The following PUDP variants were observed in gnomAD, a reference collection of about 807,000 sequenced individuals.
PUDP encodes the protein pseudouridine 5'-phosphatase.
A neutral mutation model predicts 9.4 loss-of-function variants in PUDP; 8 were observed. The observed-to-expected ratio is 0.85, with a 90% confidence interval of 0.50 to 1.53. The LOEUF is 1.53. Ranked by LOEUF, PUDP falls within the 40% of genes most tolerant of loss-of-function variation. The pLI is 0.00. For missense variants in PUDP, 188 were observed against 189.7 expected (o/e 0.99, Z 0.05); for synonymous variants, 99 against 80.7 (o/e 1.23, Z -1.22).
chrX:6,715,041 C>T (rs1416066122), intron 1 of PUDP, among the ~76,000 whole-genome samples: 1 of 107,828 alleles, frequency 9.3e-6, no homozygotes, highest in Non-Finnish European at 1.9e-5. Flanking sequence ...GACATACATC[C>T]TTATAAATCA....
At position 6,775,463 on chromosome X, in the gene PUDP, A is replaced by G. The variant is rs754570714; in HGVS notation, c.*248-68997T>C. 5.5e-5 allele frequency among the ~76,000 whole-genome samples: 5 copies of G among 90,596 alleles called. No individual in the cohort carries two copies. In the East Asian group the frequency reaches 1.4e-3, roughly 26 times the overall value. 78.7% of individuals were successfully genotyped at this position (90,596 alleles called of 115,157 possible). On this transcript the variant is annotated intron_variant and NMD_transcript_variant, in intron 3 of 3. Transcript: ENST00000655425. ...TCTTTTGGGGCATGGATGGATAGAT[A>G]GATATAGATAGATAGATAGATACAC...
intron 3 of PUDP, among the ~76,000 whole-genome samples, chrX:6,833,474 C>T (rs1245967888): frequency 1.8e-5 from 2 of 109,951 alleles, no homozygotes. Context: ...TGAATGAAGG[C>T]ACAAATGAAT....
intron 1 of PUDP, among the ~76,000 whole-genome samples, chrX:7,028,524 A>T (rs1929749639): frequency 9.0e-6 from 1 of 111,127 alleles, no homozygotes; most frequent in Admixed American, 9.7e-5. Context: ...CTGTGTAAAG[A>T]TGTTCTGGGG....
At chrX:6,873,641 C>T (rs1442394791) in intron 3 of PUDP, among the ~76,000 whole-genome samples, 2 of 111,503 alleles carry the variant, frequency 1.8e-5, no homozygotes, top group African/African-American at 6.5e-5. Context: ...CTACAAAAAC[C>T]TCAACTATAT....
intron 3 of PUDP, among the ~76,000 whole-genome samples, chrX:6,875,913 T>A (rs752524739): frequency 2.7e-5 from 3 of 112,421 alleles, no homozygotes; most frequent in Admixed American, 9.4e-5. Flanking sequence ...TGTTTGTTAT[T>A]TGAAAAGCAA....
intron 3 of PUDP, among the ~76,000 whole-genome samples, chrX:6,965,440 A>G (rs968482930): frequency 1.5e-4 from 17 of 112,717 alleles, no homozygotes; most frequent in African/African-American, 5.5e-4. Flanking sequence ...GCTTTAGAAT[A>G]TCACAGAGAC....
At chrX:6,848,453 T>A (rs931731577) in intron 3 of PUDP, among the ~76,000 whole-genome samples, 1 of 112,519 alleles carries the variant, frequency 8.9e-6, no homozygotes, top group Non-Finnish European at 1.9e-5. Flanking sequence ...GGATTTTATC[T>A]GGCTTATTTG....
downstream of PUDP, among the ~76,000 whole-genome samples, chrX:7,047,536 C>A (rs187737603): frequency 2.7e-5 from 3 of 112,253 alleles, no homozygotes; most frequent in Admixed American, 2.8e-4. Context: ...TCAGAGATAA[C>A]GTGTACTCCT....
intron 2 of PUDP, among the ~76,000 whole-genome samples, chrX:7,080,824 CAGG>C (rs775591481): frequency 2.6e-4 from 28 of 107,544 alleles, no homozygotes; most frequent in Non-Finnish European, 5.3e-4. Flanking sequence ...GAGGCAGAGG[CAGG>C]AGAATCGCTT....
chrX:7,023,332 C>A (rs1929659602), intron 1 of PUDP, among the ~76,000 whole-genome samples: 1 of 111,722 alleles, frequency 9.0e-6, no homozygotes, highest in African/African-American at 3.3e-5. Flanking sequence ...TCTAGGCATG[C>A]AAAGAAGCAG....
intron 3 of PUDP, among the ~76,000 whole-genome samples, chrX:6,932,809 G>C (rs890736589): frequency 6.3e-5 from 7 of 111,972 alleles, no homozygotes; most frequent in African/African-American, 1.9e-4. Flanking sequence ...GGCGCACCAC[G>C]AGATTATATC....
At chrX:7,062,651 AG>A (rs1407410879) in intron 3 of PUDP, among the ~76,000 whole-genome samples, 1 of 108,158 alleles carries the variant, frequency 9.2e-6, no homozygotes, top group Admixed American at 9.9e-5. Flanking sequence ...TGAGTGAGGT[AG>A]GGAGCAAGGG....
intron 1 of PUDP, among the ~76,000 whole-genome samples, chrX:6,716,882 C>T (rs1441722911): frequency 1.8e-5 from 2 of 111,351 alleles, no homozygotes; most frequent in African/African-American, 6.5e-5. Flanking sequence ...GATCCTCCCA[C>T]TTCAGCCTCC....
chrX:6,955,358 C>CT (rs1928612262), intron 3 of PUDP, among the ~76,000 whole-genome samples: 1 of 110,623 alleles, frequency 9.0e-6, no homozygotes, highest in African/African-American at 3.3e-5. Flanking sequence ...GCAGCTGGGA[C>CT]TACAGGTGCA....
At position 7,123,128 on chromosome X, in the gene PUDP, G is replaced by A. The variant is rs751885319; in HGVS notation, c.62-17290C>T. Among the ~76,000 whole-genome samples, 3 of 112,310 alleles carry A rather than the reference G, an allele frequency of 2.7e-5. No individual in the cohort carries two copies. In the East Asian group the frequency reaches 8.4e-4, roughly 31 times the overall value. On this transcript the variant is annotated intron_variant, in intron 1 of 3. Transcript: ENST00000381077. Reference sequence around the variant, plus strand: ...GTAACACTTATTTTTTATACTTTAAGGCAATGGCTCACAACTGGGCTTTGC... The same window carrying A: ...GTAACACTTATTTTTTATACTTTAAAGCAATGGCTCACAACTGGGCTTTGC...
chrX:7,121,638 CAG>C (rs1932346034), intron 1 of PUDP, among the ~76,000 whole-genome samples: 1 of 111,147 alleles, frequency 9.0e-6, no homozygotes, highest in East Asian at 2.8e-4. Context: ...AGGAGGCTCC[CAG>C]AGAGAAAAGA....
intron 3 of PUDP, among the ~76,000 whole-genome samples, chrX:6,947,775 AAAATAAATAAATAAATAAAT>A (rs200121266): frequency 9.3e-5 from 9 of 96,905 alleles, no homozygotes; most frequent in East Asian, 3.3e-4. Context: ...CCCTGTCTCA[AAAATAAATAAATAAATAAAT>A]AAATAAATAA....
rs73188700 is a variant in PUDP at position 6,777,593 on chromosome X, A to G, written c.*248-71127T>C. ...ACCTTAGGCAGAATTTGTAAATAGT[A>G]TATTTCTGGCTTATTTTCTATTTCC... On this transcript the variant is annotated intron_variant and NMD_transcript_variant, in intron 3 of 3. Transcript: ENST00000655425. Among the ~76,000 whole-genome samples, 747 of 112,485 alleles carry G rather than the reference A, an allele frequency of 6.6e-3. 1 individual carries two copies. Among genetic ancestry groups the G allele is most frequent in the Non-Finnish European group, 0.01 (540 of 53,316 alleles).
At chrX:6,721,387 T>C (rs1924672105) in intron 1 of PUDP, 1 of 111,578 alleles carries the variant, frequency 9.0e-6, no homozygotes, top group Non-Finnish European at 1.9e-5. Flanking sequence ...CTAAAAGAGG[T>C]TATAGGAGAG....
Sources: allele counts gnomAD v4.1 joint callset (sites outside exome capture counted in the v4.1 genomes callset), GRCh38; gene constraint gnomAD v4.1.1; transcripts MANE v1.5; gene names NCBI Gene and HGNC (gene_info 2026-07-23, HGNC 2026-07-21).